STIL: variants seen among roughly 807,000 people sequenced by gnomAD.
STIL encodes STIL centriolar assembly protein.
Under a neutral mutation model 110.1 loss-of-function variants are expected in STIL, and 55 were observed. The observed-to-expected ratio is 0.50, with a 90% CI of 0.40 to 0.63. STIL has a LOEUF of 0.63. Ranked by LOEUF, STIL falls within the 20% of genes least tolerant of loss-of-function variation. The pLI, the probability that STIL is intolerant of heterozygous loss-of-function variation, is 0.00. For missense variants in STIL, 1,358 were observed against 1,530.0 expected, an observed-to-expected ratio of 0.89 and a Z score of 1.87; for synonymous variants, 481 against 530.0, an observed-to-expected ratio of 0.91 and a Z score of 1.27.
chr1:47,289,400 C>T, intron 9 of STIL, 35 bp downstream of exon 9: 3 of 1,601,824 alleles, frequency 1.9e-6, no homozygotes, highest in Non-Finnish European at 2.6e-6. Context: ...AAACCCTAAA[C>T]AGTCACTAAT....
chr1:47,272,762 T>G (rs1480292972), intron 12 of STIL, among the ~76,000 whole-genome samples: 1 of 152,226 alleles, frequency 6.6e-6, no homozygotes, highest in African/African-American at 2.4e-5. Flanking sequence ...ATTCGTAAGT[T>G]GATACTCATG....
rs566836231 is a variant in STIL at position 47,301,888 on chromosome 1, A to C, written c.266-140T>G. 1.3e-5 allele frequency: 10 copies of C among 786,932 alleles called. No individual in the cohort carries two copies. In the Admixed American group the frequency reaches 2.3e-4, roughly 18 times the overall value. 48.7% of individuals were successfully genotyped at this position (786,932 alleles called of 1,614,324 possible). ...CTTAAATACTAAACTAAACTCTTACAGTAAACTAAACTCTTATAAGCGTAT... is the reference window on the plus strand; with the variant it reads ...CTTAAATACTAAACTAAACTCTTACCGTAAACTAAACTCTTATAAGCGTAT... On this transcript the variant is annotated intron_variant, in intron 4 of 16. Transcript: ENST00000371877.
chr1:47,275,879 G>A (rs183041756), intron 12 of STIL, among the ~76,000 whole-genome samples: 1 of 152,104 alleles, frequency 6.6e-6, no homozygotes, highest in Admixed American at 6.5e-5. Context: ...CAACCACCTT[G>A]GCCTCCCAAA....
At chr1:47,275,480 C>T (rs1269595383) in intron 12 of STIL, among the ~76,000 whole-genome samples, 2 of 151,862 alleles carry the variant, frequency 1.3e-5, no homozygotes, top group African/African-American at 4.8e-5. Flanking sequence ...TGGTGGCCAA[C>T]GCCTGTAGTC....
chr1:47,268,423 G>T (rs970653114), intron 14 of STIL, among the ~76,000 whole-genome samples: 6 of 151,822 alleles, frequency 4.0e-5, no homozygotes, highest in Non-Finnish European at 5.9e-5. Flanking sequence ...TCCAGCCTGG[G>T]TGAAAAAGCG....
At chr1:47,268,561 C>A (rs1254982293) in intron 14 of STIL, among the ~76,000 whole-genome samples, 1 of 151,976 alleles carries the variant, frequency 6.6e-6, no homozygotes, top group Non-Finnish European at 1.5e-5. Flanking sequence ...TCACGACCAG[C>A]CTGGCCAACA....
At chr1:47,252,049 T>C (rs1426035532) in intron 16 of STIL, 127 bp from the exon 17 acceptor site, 4 of 934,170 alleles carry the variant, frequency 4.3e-6, no homozygotes, top group Non-Finnish European at 6.3e-6. Flanking sequence ...TTTATCTAAC[T>C]ACTCAGACAT....
chr1:47,312,435 A>C (rs922014185), intron 1 of STIL, among the ~76,000 whole-genome samples: 1 of 152,148 alleles, frequency 6.6e-6, no homozygotes, highest in South Asian at 2.1e-4. Context: ...CCTGGGCAAC[A>C]GAGCGAGACT....
intron 12 of STIL, among the ~76,000 whole-genome samples, chr1:47,276,812 T>TAAAA (rs36154290): frequency 1.5e-5 from 1 of 67,630 alleles, no homozygotes; most frequent in South Asian, 6.7e-4. Flanking sequence ...AAACTCTGCC[T>TAAAA]AAAAAAAAAA....
intron 10 of STIL, among the ~76,000 whole-genome samples, chr1:47,286,258 G>GC (rs35368883): frequency 1.3e-5 from 2 of 151,762 alleles, no homozygotes; most frequent in Admixed American, 6.6e-5. Flanking sequence ...ATATCTGCCT[G>GC]CCCCCCACCA....
intron 6 of STIL, among the ~76,000 whole-genome samples, chr1:47,297,210 C>T (rs189780205): frequency 2.1e-3 from 320 of 152,114 alleles, no homozygotes; most frequent in African/African-American, 7.3e-3. Context: ...GGCATGGTGA[C>T]GGGCGCCTGT....
chr1:47,296,137 C>T lies in STIL; in HGVS notation c.702-289G>A, dbSNP rs183350763. Among the ~76,000 whole-genome samples the T allele has an allele frequency of 5.9e-5, 9 of 152,326 alleles. No individual in the cohort carries two copies. The East Asian group carries it at 1.7e-3, about 29-fold the overall frequency. Reference sequence around the variant, plus strand: ...GCTCTATAACTTTACTTACAATTTACTTTAATCAAGAGTGTTAACATTAAG... The same window carrying T: ...GCTCTATAACTTTACTTACAATTTATTTTAATCAAGAGTGTTAACATTAAG... On this transcript the variant is annotated intron_variant, in intron 6 of 16. Coordinates refer to ENST00000371877, the MANE Select transcript of STIL (RefSeq NM_001048166.1).
chr1:47,305,181 A>G (rs1645919307), intron 2 of STIL, 185 bp from the exon 3 acceptor site: 3 of 532,746 alleles, frequency 5.6e-6, no homozygotes. Context: ...GCTGGAGTGC[A>G]GTGGCGTGAT....
chr1:47,274,095 TAC>T (rs10552715), intron 12 of STIL, among the ~76,000 whole-genome samples: 125,112 of 151,636 alleles, frequency 0.83, 52,240 homozygotes, highest in Middle Eastern at 0.89. Flanking sequence ...GTAAGCACTT[TAC>T]ACACACACAC....
chr1:47,282,511 T>C (rs764134413), intron 10 of STIL, 52 bp from the exon 11 acceptor site: 13 of 1,113,254 alleles, frequency 1.2e-5, no homozygotes, highest in Middle Eastern at 1.9e-4. Context: ...CAGTGTTTTC[T>C]TTCTTCTAGA....
chr1:47,292,320 A>T (rs1645518087), intron 8 of STIL, among the ~76,000 whole-genome samples: 1 of 152,186 alleles, frequency 6.6e-6, no homozygotes, highest in Non-Finnish European at 1.5e-5. Flanking sequence ...GAAAAATTAT[A>T]AATTGGTGCA....
chr1:47,284,916 T>A (rs1645252236), intron 10 of STIL, among the ~76,000 whole-genome samples: 1 of 151,398 alleles, frequency 6.6e-6, no homozygotes, highest in South Asian at 2.1e-4. Flanking sequence ...AAAGACTGAC[T>A]TCCTGGAGGG....
At position 47,251,236 on chromosome 1, in the gene STIL, C is replaced by G; in HGVS notation, c.3767G>C (p.Ser1256Thr). The change falls in exon 17 of 17, where the codon AGT becomes ACT. Residue 1256 changes from serine (S) to threonine (T), a missense_variant. Coordinates refer to ENST00000371877, the MANE Select transcript of STIL (RefSeq NM_001048166.1). ...NEGDITIFPESLQPSETLKQM... is the reference protein window; with the variant it reads ...NEGDITIFPETLQPSETLKQM... ...CTTTAGCGTTTCAGAAGGTTGCAAA[C>G]TTTCAGGAAAAATTGTAATGTCCCC... 1 of 1,611,178 alleles carries G rather than the reference C, an allele frequency of 6.2e-7. No individual in the cohort carries two copies. The highest frequency in any genetic ancestry group is 8.5e-7 in the Non-Finnish European group (1 of 1,178,372).
At chr1:47,258,022 C>T (rs565173896) in intron 16 of STIL, among the ~76,000 whole-genome samples, 83 of 152,240 alleles carry the variant, frequency 5.5e-4, no homozygotes, top group South Asian at 1.9e-3. Flanking sequence ...ATCATTTTAC[C>T]TTAGTCTTTC....
Sources: allele counts gnomAD v4.1 joint callset (sites outside exome capture counted in the v4.1 genomes callset), GRCh38; gene constraint gnomAD v4.1.1; transcripts MANE v1.5; gene names NCBI Gene and HGNC (gene_info 2026-07-23, HGNC 2026-07-21).